Variants in HDX observed in about 807,000 individuals in gnomAD.
HDX encodes the protein chromosome X open reading frame 43.
Under a neutral mutation model 45.2 loss-of-function variants are expected in HDX, and 19 were observed. The observed-to-expected ratio is 0.42, with a 90% CI of 0.29 to 0.62. HDX has a LOEUF of 0.62. Among genes scored for constraint, HDX ranks in the 20% least tolerant of loss-of-function variants. HDX has a pLI of 0.20. For synonymous variants in HDX, 188 were observed against 172.8 expected, an observed-to-expected ratio of 1.09 and a Z score of -0.69; for missense variants, 532 against 493.9, an observed-to-expected ratio of 1.08 and a Z score of -0.73.
intron 5 of HDX, among the ~76,000 whole-genome samples, chrX:84,404,611 A>G (rs1277680788): frequency 1.8e-5 from 2 of 111,408 alleles, no homozygotes; most frequent in Admixed American, 9.6e-5. Context: ...CAAACAGAAA[A>G]TGAAGGTTTA....
chrX:84,477,652 T>C (rs759902826), intron 2 of HDX, among the ~76,000 whole-genome samples: 1 of 112,218 alleles, frequency 8.9e-6, no homozygotes, highest in Admixed American at 9.5e-5. Flanking sequence ...ATTATCTTCA[T>C]CCACCCTAGC....
chrX:84,347,840 G>C (rs2037241473), intron 6 of HDX, among the ~76,000 whole-genome samples: 1 of 111,067 alleles, frequency 9.0e-6, no homozygotes, highest in Non-Finnish European at 1.9e-5. Flanking sequence ...CTGTAATTAA[G>C]GTATTTGTTT....
At position 84,349,154 on chromosome X, in the gene HDX, G is replaced by T. The variant is rs138414423; in HGVS notation, c.1453-4697C>A. 6.9e-4 allele frequency among the ~76,000 whole-genome samples: 76 copies of T among 110,870 alleles called. No homozygotes were observed. The East Asian group carries it at 0.014, about 21-fold the overall frequency. ...GTTCCCATGGAGGTTTCTGCTCATG[G>T]AATTCTGCTCCAGTAAGTTGTGATT... On this transcript the variant is annotated intron_variant, in intron 6 of 10. Transcript: ENST00000373177.
At position 84,321,029 on chromosome X, in the gene HDX, T is replaced by A. The variant is rs2036587723; in HGVS notation, c.*860A>T. On this transcript the variant is annotated 3_prime_UTR_variant, in exon 11 of 11. Transcript: ENST00000373177. ...CAGCTTACCTTGACTTCCTGTTTCA[T>A]AACATGTAAGAACTAAAAAAGAATT... is the stretch of plus-strand genomic sequence containing the variant. 1.8e-5 allele frequency: 2 copies of A among 110,837 alleles called. No homozygotes were observed. The highest frequency in any genetic ancestry group is 3.8e-5 in the Non-Finnish European group (2 of 52,451). 9.1% of individuals were successfully genotyped at this position (110,837 alleles called of 1,213,427 possible). A position where few individuals can be genotyped will look rare whatever the true frequency, so the allele number is the denominator to read the frequency against.
intron 2 of HDX, among the ~76,000 whole-genome samples, chrX:84,479,760 G>C (rs1270934464): frequency 9.0e-6 from 1 of 111,277 alleles, no homozygotes; most frequent in Non-Finnish European, 1.9e-5. Flanking sequence ...CCATTTCCTA[G>C]TTGTGTAATT....
At chrX:84,473,328 AT>A (rs1167776509) in intron 3 of HDX, among the ~76,000 whole-genome samples, 7 of 78,092 alleles carry the variant, frequency 9.0e-5, no homozygotes, top group African/African-American at 2.6e-4. Flanking sequence ...AGTAGAACAT[AT>A]AACTCTAGCA....
chrX:84,474,840 C>A (rs73625991), intron 3 of HDX, among the ~76,000 whole-genome samples: 2 of 111,757 alleles, frequency 1.8e-5, no homozygotes, highest in Non-Finnish European at 3.8e-5. Context: ...ATAAAGCAGA[C>A]CAAATGCCTG....
At chrX:84,438,382 CTTTT>C (rs1460291648) in intron 5 of HDX, among the ~76,000 whole-genome samples, 1 of 111,084 alleles carries the variant, frequency 9.0e-6, no homozygotes, top group Non-Finnish European at 1.9e-5. Context: ...GGTTATCTTT[CTTTT>C]TATTTACTTA....
At chrX:84,348,767 C>T (rs1384039242) in intron 6 of HDX, among the ~76,000 whole-genome samples, 1 of 111,037 alleles carries the variant, frequency 9.0e-6, no homozygotes. Flanking sequence ...GACAAGATGG[C>T]TAAAGGGGGC....
chrX:84,393,247 A>C (rs1219068295), intron 5 of HDX, among the ~76,000 whole-genome samples: 3 of 111,149 alleles, frequency 2.7e-5, no homozygotes, highest in Non-Finnish European at 5.7e-5. Context: ...AAGTTTATCA[A>C]ATTCATTTTC....
At chrX:84,368,300 CAT>C (rs1158161181) in intron 5 of HDX, among the ~76,000 whole-genome samples, 1 of 111,834 alleles carries the variant, frequency 8.9e-6, no homozygotes, top group Non-Finnish European at 1.9e-5. Flanking sequence ...CTGTACTAAA[CAT>C]GTGTTAAAGT....
At chrX:84,454,507 G>A (rs907829166) in intron 4 of HDX, among the ~76,000 whole-genome samples, 5 of 111,328 alleles carry the variant, frequency 4.5e-5, no homozygotes, top group African/African-American at 6.5e-5. Flanking sequence ...AAAAAGTAGG[G>A]AAGAGTTGAC....
intron 5 of HDX, among the ~76,000 whole-genome samples, chrX:84,390,701 T>C (rs945510214): frequency 8.0e-5 from 9 of 112,447 alleles, no homozygotes; most frequent in African/African-American, 2.9e-4. Flanking sequence ...TTTTAAGGTG[T>C]GACAGCTTTT....
intron 7 of HDX, among the ~76,000 whole-genome samples, chrX:84,338,479 C>T (rs184653340): frequency 6.1e-4 from 67 of 110,450 alleles, no homozygotes; most frequent in African/African-American, 2.1e-3. Context: ...TAATATACTC[C>T]TTTAGCAAAA....
chrX:84,467,640 G>GGAAAA (rs1244921822), intron 4 of HDX, among the ~76,000 whole-genome samples: 2 of 104,415 alleles, frequency 1.9e-5, no homozygotes, highest in East Asian at 5.9e-4. Flanking sequence ...AAAAAAAAAA[G>GGAAAA]GAAAAGAAAA....
At chrX:84,470,715 T>C (rs1310106505) in intron 3 of HDX, among the ~76,000 whole-genome samples, 2 of 111,910 alleles carry the variant, frequency 1.8e-5, no homozygotes, top group African/African-American at 3.2e-5. Context: ...AAGTAATTTA[T>C]TATAATTATC....
At chrX:84,451,680 G>A (rs1331145501) in intron 4 of HDX, among the ~76,000 whole-genome samples, 1 of 110,059 alleles carries the variant, frequency 9.1e-6, no homozygotes, top group Non-Finnish European at 1.9e-5. Flanking sequence ...ATTATATAAG[G>A]CCAGCATTAC....
chrX:84,409,070 A>G (rs912521021), intron 5 of HDX, among the ~76,000 whole-genome samples: 1 of 111,267 alleles, frequency 9.0e-6, no homozygotes, highest in South Asian at 3.8e-4. Context: ...AAGGATATGA[A>G]CAGACACTTC....
chrX:84,490,827 CTT>C (rs1043399721), intron 1 of HDX, among the ~76,000 whole-genome samples: 6 of 110,280 alleles, frequency 5.4e-5, no homozygotes. Flanking sequence ...TCTAAGTTAA[CTT>C]ATTTTTTTCT....
Sources: gnomAD v4.1 joint callset for allele counts (sites outside exome capture counted in the v4.1 genomes callset) on GRCh38, gnomAD v4.1.1 for gene constraint, MANE v1.5 for transcripts, NCBI Gene and HGNC (gene_info 2026-07-23, HGNC 2026-07-21) for gene names.